SSC4D: variants seen among roughly 807,000 people sequenced by gnomAD.
The protein encoded by SSC4D is scavenger receptor cysteine rich family member with 4 domains.
Under a neutral mutation model 63.4 loss-of-function variants are expected in SSC4D, and 57 were observed. The ratio of observed to expected loss-of-function variants is 0.90; its 90% confidence interval spans 0.73 to 1.12. The LOEUF (loss-of-function observed/expected upper bound fraction) is 1.12, where lower values mean the gene tolerates loss of function less well. SSC4D is among the 50% of genes most tolerant of loss of function. The probability of loss-of-function intolerance (pLI) is 0.00; values close to 1 mark genes in which losing one functional copy is unlikely to be tolerated. For missense variants in SSC4D, 791 were observed against 806.4 expected, an observed-to-expected ratio of 0.98 and a Z score of 0.23; for synonymous variants, 352 against 345.4, an observed-to-expected ratio of 1.02 and a Z score of -0.21.
chr7:76,403,347 C>CTTTTTTTTTTTTTTTT (rs766899317), intron 2 of SSC4D, among the ~76,000 whole-genome samples: 5 of 149,530 alleles, frequency 3.3e-5, no homozygotes, highest in Non-Finnish European at 3.0e-5. Flanking sequence ...GACTCCACTT[C>CTTTTTTTTTTTTTTTT]TTTTTTTTGA....
intron 7 of SSC4D, among the ~76,000 whole-genome samples, chr7:76,394,335 C>T (rs55950274): frequency 0.18 from 27,743 of 151,878 alleles, 2,985 homozygotes; most frequent in East Asian, 0.32. Context: ...GCCTAGAACT[C>T]CTGGCCTCAA....
At position 76,391,981 on chromosome 7, in the gene SSC4D, G is replaced by C. The variant is rs1220571595; in HGVS notation, c.1394C>G (p.Thr465Ser). Residue 465 changes from threonine to serine, a missense_variant, in exon 10 of 11, where the codon ACT (threonine) becomes AGT (serine). Physicochemically the swap from Thr to Ser is moderately conservative, Grantham distance 58. Coordinates refer to ENST00000275560, the MANE Select transcript of SSC4D (RefSeq NM_080744.2). ...GCACCTACCGTCCCTGGGCCGAGGA[G>C]TGGGCACCCGCGTGGTCTCAGAACC... Reference protein sequence around the residue: ...QDGSETTRVPTPRPRDGHLRL... With the variant: ...QDGSETTRVPSPRPRDGHLRL... The C allele has an allele frequency of 9.4e-6, 15 of 1,595,308 alleles. No individual in the cohort carries two copies. The East Asian group carries it at 3.4e-4, about 36-fold the overall frequency.
rs1198162418 is a variant in SSC4D, at chr7:76,393,715, A to C, written c.1023T>G (p.Ser341Arg). The C allele has an allele frequency of 2.6e-4, 354 of 1,386,882 alleles. No individual in the cohort carries two copies. The highest frequency in any genetic ancestry group is 3.2e-4 in the Non-Finnish European group (349 of 1,077,408). The allele number at this position is 1,386,882 out of a possible 1,614,324, so 85.9% of individuals were successfully genotyped here. ...TTAAWAAGKK[S>R]GRLRLVGGPG... is the part of the protein sequence containing the mutation. ...GGCCGCCCACCAGTCGCAGCCGTCC[A>C]CCTGCGGGGCGCACAGGCCCGCGGC... The change falls in exon 9 of 11, where the codon AGT becomes AGG. Residue 341 changes from serine to arginine, a missense_variant and splice_region_variant. Physicochemically the swap from Ser to Arg is moderately radical, Grantham distance 110. Transcript: ENST00000275560.
At chr7:76,398,898 G>T (rs531619682) in intron 4 of SSC4D, 101 bp from the exon 5 acceptor site, 2 of 1,207,176 alleles carry the variant, frequency 1.7e-6, no homozygotes, top group Non-Finnish European at 1.2e-6. Context: ...GGTGCTTGCC[G>T]CCAGAGCCTC....
intron 2 of SSC4D, among the ~76,000 whole-genome samples, chr7:76,401,968 C>G (rs1240768831): frequency 6.6e-6 from 1 of 152,106 alleles, no homozygotes; most frequent in African/African-American, 2.4e-5. Context: ...TGGGATTCAT[C>G]ATATTTCCCT....
intron 7 of SSC4D, 141 bp downstream of exon 7, chr7:76,395,112 C>T: frequency 1.2e-6 from 1 of 863,352 alleles, no homozygotes; most frequent in Non-Finnish European, 1.8e-6. Context: ...TCATAATTGT[C>T]TCACCCACCT....
chr7:76,394,877 A>G (rs938205842), intron 7 of SSC4D, among the ~76,000 whole-genome samples: 2 of 97,718 alleles, frequency 2.0e-5, no homozygotes, highest in African/African-American at 7.5e-5. Context: ...ATATTTATTT[A>G]TTTATTTATA....
In SSC4D at chr7:76,398,789, G is replaced by A. The variant is rs751239252; in HGVS notation, c.484C>T (p.Pro162Ser). 1.7e-5 allele frequency: 27 copies of A among 1,612,564 alleles called. No homozygotes were observed. The highest frequency in any genetic ancestry group is 2.3e-5 in the Non-Finnish European group (27 of 1,179,070). ...DVAVLCDEFL[P>S]TQPPTRKMLT... ...ATCTTCCTTGTTGGGGGCTGCGTTG[G>A]CAAGAATTCTGGAAAGGAAGTGAAG... is the stretch of plus-strand genomic sequence containing the variant. The change falls in exon 5 of 11, where the codon CCA (proline) becomes TCA (serine). Residue 162 changes from proline to serine, a missense_variant. Pro to Ser is a moderately conservative substitution (Grantham distance 74). Coordinates refer to ENST00000275560, the MANE Select transcript of SSC4D (RefSeq NM_080744.2).
At chr7:76,408,798 G>A (rs1424136927) in intron 1 of SSC4D, among the ~76,000 whole-genome samples, 5 of 152,074 alleles carry the variant, frequency 3.3e-5, no homozygotes, top group African/African-American at 1.2e-4. Flanking sequence ...TGGTGATTAG[G>A]GCTCTTGAAA....
At chr7:76,407,086 G>A (rs1027984225) in intron 1 of SSC4D, among the ~76,000 whole-genome samples, 7 of 151,970 alleles carry the variant, frequency 4.6e-5, no homozygotes, top group Admixed American at 2.0e-4. Context: ...TCAGCCTCCC[G>A]AGTAGCTGGG....
intron 1 of SSC4D, among the ~76,000 whole-genome samples, chr7:76,404,990 A>C (rs1478644294): frequency 6.6e-6 from 1 of 151,538 alleles, no homozygotes; most frequent in Non-Finnish European, 1.5e-5. Context: ...GAATCTCTTG[A>C]ACCCGGGAGG....
intron 10 of SSC4D, 33 bp from the exon 11 acceptor site, chr7:76,390,408 T>A: frequency 6.5e-7 from 1 of 1,545,016 alleles, no homozygotes; most frequent in Non-Finnish European, 8.7e-7. Context: ...TGGAAGGGGC[T>A]GGTCCATGCC....
Position 76,397,551 on chromosome 7 carries a change from C to G in SSC4D, c.835G>C (p.Gly279Arg), listed in dbSNP as rs779778771. 5 of 1,596,514 alleles carry G rather than the reference C, an allele frequency of 3.1e-6. No individual in the cohort carries two copies. The South Asian group carries it at 3.4e-5, about 11-fold the overall frequency. Reference protein sequence around the residue: ...QSLGWGVHNCGHHEDAGALCA... With the variant: ...QSLGWGVHNCRHHEDAGALCA... ...AGCGCGCCCGCGTCCTCGTGGTGGC[C>G]GCAGTTGTGCACACCCCAGCCCAGG... The change falls in exon 6 of 11, where the codon GGC becomes CGC. Residue 279 changes from glycine (G) to arginine (R), a missense_variant. Gly to Arg is a moderately radical substitution (Grantham distance 125). Transcript: ENST00000275560.
chr7:76,408,742 G>A (rs17149201), intron 1 of SSC4D, among the ~76,000 whole-genome samples: 4,256 of 152,200 alleles, frequency 0.028, 125 homozygotes, highest in East Asian at 0.14. Flanking sequence ...CCTGCTTCAC[G>A]CCCAAGGGAA....
intron 9 of SSC4D, among the ~76,000 whole-genome samples, chr7:76,392,844 A>C (rs891289059): frequency 1.3e-5 from 2 of 152,122 alleles, no homozygotes; most frequent in Admixed American, 1.3e-4. Context: ...CCTTGGCCCC[A>C]AAACAGAACC....
At chr7:76,392,681 A>G (rs1266807583) in intron 9 of SSC4D, among the ~76,000 whole-genome samples, 1 of 151,866 alleles carries the variant, frequency 6.6e-6, no homozygotes, top group Non-Finnish European at 1.5e-5. Flanking sequence ...GGTCCCAGCT[A>G]CTCTGGAGGT....
chr7:76,401,189 GTC>G, intron 2 of SSC4D, 146 bp from the exon 3 acceptor site: 2 of 1,208,700 alleles, frequency 1.7e-6, no homozygotes, highest in Middle Eastern at 2.0e-4. Flanking sequence ...AAGCCCCATT[GTC>G]TCTTTCTCTG....
chr7:76,396,455 C>G (rs1804642930), intron 6 of SSC4D, among the ~76,000 whole-genome samples: 1 of 152,222 alleles, frequency 6.6e-6, no homozygotes, highest in Non-Finnish European at 1.5e-5. Flanking sequence ...CTCTCAGCTG[C>G]TACTCTGGGC....
intron 1 of SSC4D, 65 bp from the exon 2 acceptor site, chr7:76,404,570 T>G: frequency 7.3e-7 from 1 of 1,371,164 alleles, no homozygotes; most frequent in Non-Finnish European, 1.0e-6. Flanking sequence ...GGTGGGAGGA[T>G]TGCTTGCACC....
Sources: gnomAD v4.1 joint callset for allele counts (sites outside exome capture counted in the v4.1 genomes callset) on GRCh38, gnomAD v4.1.1 for gene constraint, MANE v1.5 for transcripts, NCBI Gene and HGNC (gene_info 2026-07-23, HGNC 2026-07-21) for gene names.